The following CHN1 variants were observed in gnomAD, a reference collection of about 807,000 sequenced individuals.
CHN1 encodes the protein chimerin 1, also known as N-chimaerin.
CHN1 carries 37 observed loss-of-function variants against 59.5 expected under a neutral mutation model. The ratio of observed to expected loss-of-function variants is 0.62; its 90% CI spans 0.48 to 0.82. The LOEUF (loss-of-function observed/expected upper bound fraction) is 0.82. Among genes scored for constraint, CHN1 ranks in the 40% least tolerant of loss-of-function variants. The probability of loss-of-function intolerance (pLI) is 0.00; values close to 1 mark genes in which losing one functional copy is unlikely to be tolerated. For missense variants in CHN1, 469 were observed against 571.0 expected, an observed-to-expected ratio of 0.82 and a Z score of 1.82; for synonymous variants, 206 against 200.4, an observed-to-expected ratio of 1.03 and a Z score of -0.24.
At chr2:174,823,268 A>G (rs753377831) in intron 8 of CHN1, among the ~76,000 whole-genome samples, 2 of 152,364 alleles carry the variant, frequency 1.3e-5, no homozygotes, top group Non-Finnish European at 2.9e-5. Flanking sequence ...ATGTAAGAAG[A>G]TATTTTTTAG....
chr2:174,868,852 G>C (rs1296462655), intron 6 of CHN1, among the ~76,000 whole-genome samples: 1 of 152,182 alleles, frequency 6.6e-6, no homozygotes, highest in African/African-American at 2.4e-5. Flanking sequence ...AGGAAACTCT[G>C]AAATCATACA....
chr2:174,877,990 G>C lies in CHN1; in HGVS notation c.399C>G (p.Tyr133Ter). 6.2e-7 allele frequency: 1 copy of C among 1,613,798 alleles called. No homozygotes were observed. Among genetic ancestry groups the C allele is most frequent in the Non-Finnish European group, 8.5e-7 (1 of 1,179,834 alleles). The change falls in exon 6 of 13, where the codon TAC (tyrosine) becomes TAG (stop). Residue 133 changes from tyrosine (Y) to a stop codon, truncating the protein, a stop_gained. Coordinates refer to ENST00000409900, the MANE Select transcript of CHN1 (RefSeq NM_001822.7). LOFTEE classifies it high-confidence loss of function. ...TTGGGTTTATCGTCATCTTGGCAAT[G>C]TATTCTGCTGCCTTGGTTTCAATAT... ...TLYIETKAAE[Y>*]IAKMTINPIY...
chr2:174,825,055 T>G (rs1367002453), intron 7 of CHN1, among the ~76,000 whole-genome samples: 1 of 152,228 alleles, frequency 6.6e-6, no homozygotes, highest in African/African-American at 2.4e-5. Flanking sequence ...GTAACTTACT[T>G]TCGAAAACTA....
At chr2:174,964,060 T>C (rs1690512654) in intron 1 of CHN1, among the ~76,000 whole-genome samples, 1 of 152,150 alleles carries the variant, frequency 6.6e-6, no homozygotes, top group Non-Finnish European at 1.5e-5. Flanking sequence ...TTTTTATAAA[T>C]GAAAGAAAAG....
rs765222804 is a variant in CHN1 at position 174,813,260 on chromosome 2, CCA to C, written c.713-780_713-779del. On this transcript the variant is annotated intron_variant, in intron 8 of 12. Transcript: ENST00000409900. ...TCAAGCCTATGGATGATTCTAGAGT[CCA>C]CATTTTAAAAATGTTTACTGTTTAA... is the stretch of plus-strand genomic sequence containing the variant. Among the ~76,000 whole-genome samples the C allele has an allele frequency of 5.3e-5, 8 of 152,278 alleles. No individual in the cohort carries two copies. The South Asian group carries it at 6.2e-4, about 12-fold the overall frequency.
intron 5 of CHN1, among the ~76,000 whole-genome samples, chr2:174,885,101 C>T (rs753524368): frequency 2.9e-4 from 44 of 151,026 alleles, no homozygotes; most frequent in Admixed American, 6.6e-4. Context: ...TCCTGGCTAA[C>T]ATGGTGAAAC....
chr2:174,953,043 C>T (rs1357232514), intron 1 of CHN1, among the ~76,000 whole-genome samples: 1 of 152,026 alleles, frequency 6.6e-6, no homozygotes, highest in Non-Finnish European at 1.5e-5. Context: ...ACTATATAGC[C>T]ACGACTGCAG....
rs368087032 is a variant in CHN1 at position 175,005,252 on chromosome 2, C to G, written c.-340G>C. ...CGCGGCGCAGTGGCTGGCGGAGAGG[C>G]GGCGCCGCACTGGCGGCGGCGGCGG... On this transcript the variant is annotated 5_prime_UTR_variant, in exon 1 of 13. Coordinates refer to ENST00000409900, the MANE Select transcript of CHN1 (RefSeq NM_001822.7). 1.7e-6 allele frequency: 2 copies of G among 1,169,310 alleles called. No homozygotes were observed. Among genetic ancestry groups the G allele is most frequent in the South Asian group, 2.2e-5 (1 of 44,846 alleles). 72.4% of individuals were successfully genotyped at this position (1,169,310 alleles called of 1,614,324 possible).
At chr2:174,823,370 T>C (rs539643312) in intron 8 of CHN1, among the ~76,000 whole-genome samples, 37 of 152,322 alleles carry the variant, frequency 2.4e-4, no homozygotes, top group Middle Eastern at 3.4e-3. Context: ...TGTCAGAATT[T>C]AGAGTAGTTT....
intron 5 of CHN1, among the ~76,000 whole-genome samples, chr2:174,898,493 A>G (rs994480464): frequency 1.5e-4 from 22 of 151,650 alleles, no homozygotes; most frequent in Admixed American, 1.4e-3. Context: ...AGTCCCAGCT[A>G]CTTAGGAGGC....
At position 174,881,939 on chromosome 2, in the gene CHN1, C is replaced by T. The variant is rs951619042; in HGVS notation, c.261-3811G>A. Among the ~76,000 whole-genome samples, 16 of 152,296 alleles carry T rather than the reference C, an allele frequency of 1.1e-4. No homozygotes were observed. The South Asian group carries it at 2.5e-3, about 24-fold the overall frequency. On this transcript the variant is annotated intron_variant, in intron 5 of 12. Coordinates refer to ENST00000409900, the MANE Select transcript of CHN1 (RefSeq NM_001822.7). Reference sequence around the variant, plus strand: ...CTGAGAGATTTACATATATTGAAAGCGGGACATATTAAGTGGACCTAGTGA... The same window carrying T: ...CTGAGAGATTTACATATATTGAAAGTGGGACATATTAAGTGGACCTAGTGA...
chr2:174,950,240 CCTATCT>C (rs758213114), intron 2 of CHN1, among the ~76,000 whole-genome samples: 12 of 151,948 alleles, frequency 7.9e-5, no homozygotes, highest in Admixed American at 1.3e-4. Context: ...AAAGCAATAG[CCTATCT>C]CTCTCTTTTT....
intron 4 of CHN1, 166 bp from the exon 5 acceptor site, chr2:174,915,337 A>G (rs1688816017): frequency 1.6e-6 from 1 of 609,672 alleles, no homozygotes; most frequent in Admixed American, 2.7e-5. Context: ...GTTTCTCTGG[A>G]CCTGGCCCCC....
At chr2:175,000,475 GCT>G (rs1267822029) in intron 1 of CHN1, among the ~76,000 whole-genome samples, 1 of 151,030 alleles carries the variant, frequency 6.6e-6, no homozygotes, top group Non-Finnish European at 1.5e-5. Flanking sequence ...ACAAAATCTC[GCT>G]CTGTCTCCCA....
chr2:174,826,256 C>A (rs1469949529), intron 7 of CHN1, among the ~76,000 whole-genome samples: 1 of 152,110 alleles, frequency 6.6e-6, no homozygotes, highest in Non-Finnish European at 1.5e-5. Context: ...TGAAGTAGAG[C>A]CCAAGATCAA....
intron 5 of CHN1, among the ~76,000 whole-genome samples, chr2:174,913,828 A>AC (rs1688763471): frequency 6.6e-6 from 1 of 152,228 alleles, no homozygotes; most frequent in Non-Finnish European, 1.5e-5. Flanking sequence ...TTAGTCCTAA[A>AC]CATTAACATC....
chr2:174,853,421 C>A (rs751374589), intron 6 of CHN1, among the ~76,000 whole-genome samples: 1 of 152,002 alleles, frequency 6.6e-6, no homozygotes, highest in Non-Finnish European at 1.5e-5. Context: ...GTCAGAAATG[C>A]TATTATTTAA....
In CHN1 at chr2:174,846,619, A is replaced by G. The variant is rs566980945; in HGVS notation, c.627+261T>C. ...ATCATCATTAACTGAGACCTTTTAA[A>G]TATCAGTCAAGACTTTTACCAGTGA... On this transcript the variant is annotated intron_variant, in intron 7 of 12. Transcript: ENST00000409900. Among the ~76,000 whole-genome samples the G allele has an allele frequency of 1.1e-4, 17 of 152,338 alleles. No individual in the cohort carries two copies. In the South Asian group the frequency reaches 1.7e-3, roughly 15 times the overall value.
At chr2:174,811,429 C>T in intron 10 of CHN1, 82 bp downstream of exon 10, 1 of 897,440 alleles carries the variant, frequency 1.1e-6, no homozygotes, top group Non-Finnish European at 1.7e-6. Flanking sequence ...AAAAATAATG[C>T]AAAAAATACC....
Sources: allele counts gnomAD v4.1 joint callset (sites outside exome capture counted in the v4.1 genomes callset), GRCh38; gene constraint gnomAD v4.1.1; transcripts MANE v1.5; gene names NCBI Gene and HGNC (gene_info 2026-07-23, HGNC 2026-07-21).